The following PRKG1 variants were observed in gnomAD, a reference collection of about 807,000 sequenced individuals.
The protein encoded by PRKG1 is cGMP-dependent protein kinase 1.
In PRKG1, 35 loss-of-function variants were observed where a neutral mutation model predicts 88.1. The observed-to-expected ratio is 0.40, with a 90% confidence interval of 0.30 to 0.53. The LOEUF is 0.53. Among genes scored for constraint, PRKG1 ranks in the 20% least tolerant of loss-of-function variants. The pLI, the probability that PRKG1 is intolerant of heterozygous loss-of-function variation, is 0.59. For synonymous variants in PRKG1, 303 were observed against 292.5 expected (o/e 1.04, Z -0.37); for missense variants, 540 against 839.8 (o/e 0.64, Z 4.41).
chr10:51,962,214 T>C (rs767805408), intron 5 of PRKG1, among the ~76,000 whole-genome samples: 17 of 152,270 alleles, frequency 1.1e-4, no homozygotes, highest in Middle Eastern at 3.4e-3. Flanking sequence ...GCACTAGCCC[T>C]GGAGCTGGAC....
At chr10:51,538,402 TAC>T (rs1440006624) in intron 3 of PRKG1, among the ~76,000 whole-genome samples, 2 of 147,396 alleles carry the variant, frequency 1.4e-5, no homozygotes, top group African/African-American at 4.9e-5. Context: ...ATCATATATA[TAC>T]ATATACATAT....
At chr10:51,827,262 A>G (rs1254385382) in intron 4 of PRKG1, among the ~76,000 whole-genome samples, 1 of 152,220 alleles carries the variant, frequency 6.6e-6, no homozygotes, top group Non-Finnish European at 1.5e-5. Flanking sequence ...AATAAAAATT[A>G]TGAAAAAGGT....
intron 3 of PRKG1, among the ~76,000 whole-genome samples, chr10:51,773,535 G>A (rs1014949629): frequency 6.6e-6 from 1 of 152,036 alleles, no homozygotes; most frequent in African/African-American, 2.4e-5. Context: ...CCATGAAAAT[G>A]TCAAGGTTTA....
intron 2 of PRKG1, among the ~76,000 whole-genome samples, chr10:51,197,266 T>G (rs552825308): frequency 6.6e-6 from 1 of 152,124 alleles, no homozygotes; most frequent in Non-Finnish European, 1.5e-5. Flanking sequence ...GTTTATATTT[T>G]ATTTATTTAT....
intron 2 of PRKG1, among the ~76,000 whole-genome samples, chr10:51,404,418 A>G (rs1837846861): frequency 1.3e-5 from 2 of 152,248 alleles, no homozygotes; most frequent in Admixed American, 1.3e-4. Flanking sequence ...TTTTACTGCC[A>G]GTGTCAGAAA....
intron 2 of PRKG1, among the ~76,000 whole-genome samples, chr10:51,385,871 C>T (rs1250221144): frequency 6.6e-6 from 1 of 152,198 alleles, no homozygotes; most frequent in Non-Finnish European, 1.5e-5. Flanking sequence ...TCCTCTCTCA[C>T]ATTTCTCCCT....
At chr10:51,618,963 G>A (rs1197563408) in intron 3 of PRKG1, among the ~76,000 whole-genome samples, 2 of 148,282 alleles carry the variant, frequency 1.3e-5, no homozygotes, top group Non-Finnish European at 3.0e-5. Flanking sequence ...TTTTAGTAGG[G>A]ACAGGGTTTC....
At chr10:51,044,498 A>G (rs1001624975) in intron 1 of PRKG1, among the ~76,000 whole-genome samples, 1 of 152,194 alleles carries the variant, frequency 6.6e-6, no homozygotes, top group South Asian at 2.1e-4. Context: ...CCCTTTAAAA[A>G]AGTTATAGCA....
At chr10:51,963,730 G>T (rs1050782585) in intron 5 of PRKG1, among the ~76,000 whole-genome samples, 7 of 152,132 alleles carry the variant, frequency 4.6e-5, no homozygotes, top group African/African-American at 1.7e-4. Flanking sequence ...TTACAGGCGT[G>T]AGGCACTGCG....
intron 1 of PRKG1, among the ~76,000 whole-genome samples, chr10:51,108,125 A>G (rs1444427898): frequency 6.6e-6 from 1 of 152,160 alleles, no homozygotes; most frequent in Non-Finnish European, 1.5e-5. Flanking sequence ...CTTCCAACAA[A>G]GAAAACTATT....
intron 2 of PRKG1, among the ~76,000 whole-genome samples, chr10:51,437,678 T>G (rs895946097): frequency 6.6e-6 from 1 of 151,798 alleles, no homozygotes; most frequent in Non-Finnish European, 1.5e-5. Flanking sequence ...GGTAAGTAAA[T>G]GAATAAAGAG....
chr10:51,046,434 A>G (rs1279235412), intron 1 of PRKG1, among the ~76,000 whole-genome samples: 2 of 152,218 alleles, frequency 1.3e-5, no homozygotes, highest in African/African-American at 4.8e-5. Context: ...GTGTTATGAA[A>G]CATAAATCTT....
At chr10:51,609,366 TG>T (rs1564571470) in intron 3 of PRKG1, among the ~76,000 whole-genome samples, 3 of 152,148 alleles carry the variant, frequency 2.0e-5, no homozygotes, top group African/African-American at 7.2e-5. Context: ...TTTTAAATAT[TG>T]TTAAAAATTT....
intron 1 of PRKG1, among the ~76,000 whole-genome samples, chr10:50,998,046 C>G (rs1420191978): frequency 6.6e-6 from 1 of 152,146 alleles, no homozygotes; most frequent in Non-Finnish European, 1.5e-5. Context: ...AAGTAGATCA[C>G]AGCATCTTAT....
intron 2 of PRKG1, among the ~76,000 whole-genome samples, chr10:51,288,242 C>G (rs1393573988): frequency 6.6e-6 from 1 of 151,792 alleles, no homozygotes; most frequent in African/African-American, 2.4e-5. Flanking sequence ...GTGTGCTTTT[C>G]GGGAGTCACA....
chr10:51,960,635 C>T (rs1246861275), intron 5 of PRKG1, among the ~76,000 whole-genome samples: 1 of 151,996 alleles, frequency 6.6e-6, no homozygotes, highest in African/African-American at 2.4e-5. Context: ...TTCTGTAACC[C>T]ATATTTGGTA....
intron 2 of PRKG1, among the ~76,000 whole-genome samples, chr10:51,290,755 C>T (rs1250486948): frequency 6.6e-6 from 1 of 152,156 alleles, no homozygotes; most frequent in Non-Finnish European, 1.5e-5. Flanking sequence ...GCATATCTAC[C>T]TACCACCTGT....
At chr10:51,877,352 A>G (rs1319126248) in intron 4 of PRKG1, among the ~76,000 whole-genome samples, 2 of 152,000 alleles carry the variant, frequency 1.3e-5, no homozygotes, top group African/African-American at 4.8e-5. Context: ...GATAAGCTTT[A>G]TTTTCAGATT....
intron 4 of PRKG1, among the ~76,000 whole-genome samples, chr10:51,888,555 A>G (rs1344372401): frequency 6.6e-6 from 1 of 152,234 alleles, no homozygotes; most frequent in Admixed American, 6.5e-5. Flanking sequence ...TGAAAGGGCC[A>G]CTAGCTTTCT....
Sources: allele counts gnomAD v4.1 joint callset (sites outside exome capture counted in the v4.1 genomes callset), GRCh38; gene constraint gnomAD v4.1.1; transcripts MANE v1.5; gene names NCBI Gene and HGNC (gene_info 2026-07-23, HGNC 2026-07-21).